The following UVRAG variants were observed in gnomAD, a reference collection of about 807,000 sequenced individuals.
UVRAG encodes the protein UV radiation resistance-associated gene protein.
A neutral mutation model predicts 78.0 loss-of-function variants in UVRAG; 19 were observed. That is an observed-to-expected ratio of 0.24 (90% CI 0.17 to 0.36). The LOEUF (loss-of-function observed/expected upper bound fraction) is 0.36, where lower values mean the gene tolerates loss of function less well. Ranked by LOEUF, UVRAG falls within the 10% of genes least tolerant of loss-of-function variation. UVRAG has a pLI of 1.00. For missense variants in UVRAG, 740 were observed against 853.8 expected, an observed-to-expected ratio of 0.87 and a Z score of 1.66; for synonymous variants, 323 against 324.6, an observed-to-expected ratio of 1.00 and a Z score of 0.05.
chr11:76,088,506 G>T (rs983285309), intron 13 of UVRAG, among the ~76,000 whole-genome samples: 2 of 16,484 alleles, frequency 1.2e-4, no homozygotes, highest in Admixed American at 6.4e-4. Flanking sequence ...CCCCTCCCCC[G>T]CCTTGCAACA....
rs1297790152 is a variant in UVRAG, at chr11:76,075,771, C to T, written c.1305+9983C>T. Among the ~76,000 whole-genome samples, 49 of 152,192 alleles carry T rather than the reference C, an allele frequency of 3.2e-4. 1 individual carries two copies. The highest frequency in any genetic ancestry group is 3.2e-3 in the Admixed American group (49 of 15,270). ...TTCCCTCAGGTTCCCCATCCCTGGGCAGCTACCAGCCTACTTTCTGTTTCT... is the reference window on the plus strand; with the variant it reads ...TTCCCTCAGGTTCCCCATCCCTGGGTAGCTACCAGCCTACTTTCTGTTTCT... On this transcript the variant is annotated intron_variant, in intron 13 of 14. Coordinates refer to ENST00000356136, the MANE Select transcript of UVRAG (RefSeq NM_003369.4).
At chr11:75,822,398 C>T (rs1329209222) in intron 1 of UVRAG, among the ~76,000 whole-genome samples, 1 of 152,186 alleles carries the variant, frequency 6.6e-6, no homozygotes, top group African/African-American at 2.4e-5. Context: ...ACACACCAAG[C>T]GATCCTCCAG....
chr11:75,977,545 C>G (rs148978757), intron 7 of UVRAG, among the ~76,000 whole-genome samples: 142 of 152,252 alleles, frequency 9.3e-4, no homozygotes, highest in African/African-American at 3.3e-3. Flanking sequence ...CTTTATTAAT[C>G]TGGGTGCTCC....
At chr11:75,890,094 AG>A in intron 5 of UVRAG, among the ~76,000 whole-genome samples, 1 of 152,276 alleles carries the variant, frequency 6.6e-6, no homozygotes, top group African/African-American at 2.4e-5. Context: ...CAGAGTGATG[AG>A]GGGGGAGTGA....
intron 6 of UVRAG, among the ~76,000 whole-genome samples, chr11:75,948,346 G>A (rs1948620918): frequency 1.3e-5 from 2 of 152,142 alleles, no homozygotes; most frequent in Admixed American, 6.6e-5. Flanking sequence ...AAAAAGGAAG[G>A]CCTTTTATTA....
chr11:75,843,332 AAC>A (rs1395218679), intron 1 of UVRAG, among the ~76,000 whole-genome samples: 1 of 152,232 alleles, frequency 6.6e-6, no homozygotes, highest in Non-Finnish European at 1.5e-5. Flanking sequence ...AATAAAGTGA[AAC>A]ATTTCTTTTA....
At chr11:75,844,604 G>T (rs989479551) in intron 1 of UVRAG, among the ~76,000 whole-genome samples, 1 of 151,922 alleles carries the variant, frequency 6.6e-6, no homozygotes, top group African/African-American at 2.4e-5. Context: ...CTGGTTTACA[G>T]TCATACTAAT....
intron 13 of UVRAG, among the ~76,000 whole-genome samples, chr11:76,078,139 TG>T (rs1951434638): frequency 6.6e-6 from 1 of 152,236 alleles, no homozygotes; most frequent in Non-Finnish European, 1.5e-5. Flanking sequence ...AAAATGAATT[TG>T]GTCTGATTTT....
chr11:75,976,737 G>A (rs1364236627), intron 7 of UVRAG, among the ~76,000 whole-genome samples: 5 of 151,842 alleles, frequency 3.3e-5, no homozygotes, highest in African/African-American at 4.8e-5. Flanking sequence ...TTGTTATTGC[G>A]TCTATTTGAT....
intron 13 of UVRAG, among the ~76,000 whole-genome samples, chr11:76,091,838 T>C (rs956632436): frequency 1.4e-5 from 2 of 147,026 alleles, no homozygotes; most frequent in Non-Finnish European, 1.5e-5. Flanking sequence ...TGTATATTTG[T>C]TTTTTTTTTA....
chr11:75,816,710 C>G (rs1349304224), intron 1 of UVRAG, among the ~76,000 whole-genome samples: 2 of 152,210 alleles, frequency 1.3e-5, no homozygotes, highest in African/African-American at 4.8e-5. Flanking sequence ...CCTCCACCAC[C>G]TTTACACAGG....
chr11:76,020,012 A>G (rs774913992), intron 12 of UVRAG, among the ~76,000 whole-genome samples: 2 of 152,204 alleles, frequency 1.3e-5, no homozygotes, highest in Admixed American at 6.5e-5. Context: ...CTGGTTCTCT[A>G]TTCTATTGCG....
intron 3 of UVRAG, among the ~76,000 whole-genome samples, chr11:75,876,560 A>C (rs571776617): frequency 1.5e-4 from 23 of 152,348 alleles, no homozygotes; most frequent in East Asian, 9.6e-4. Context: ...TCTTAGACTG[A>C]AATTCTTGCA....
chr11:75,899,558 C>A (rs145226812), intron 5 of UVRAG, among the ~76,000 whole-genome samples: 153 of 152,226 alleles, frequency 1.0e-3, no homozygotes, highest in African/African-American at 3.5e-3. Context: ...AATAGCAGAT[C>A]CATGATTCGA....
At chr11:76,083,241 A>G (rs1341140302) in intron 13 of UVRAG, among the ~76,000 whole-genome samples, 3 of 152,206 alleles carry the variant, frequency 2.0e-5, no homozygotes, top group African/African-American at 7.2e-5. Context: ...GGAAACAGGT[A>G]TAGAATATTT....
At chr11:75,931,576 G>T (rs1948241843) in intron 6 of UVRAG, among the ~76,000 whole-genome samples, 1 of 152,104 alleles carries the variant, frequency 6.6e-6, no homozygotes, top group Non-Finnish European at 1.5e-5. Flanking sequence ...AAAAGTAAAA[G>T]TTCTCGTTCA....
intron 2 of UVRAG, among the ~76,000 whole-genome samples, chr11:75,856,308 G>A (rs1241896719): frequency 6.6e-6 from 1 of 152,048 alleles, no homozygotes; most frequent in Non-Finnish European, 1.5e-5. Flanking sequence ...CGGCCCTTAA[G>A]TTTGTTTTTC....
At chr11:76,099,932 CT>C (rs139499801) in intron 13 of UVRAG, among the ~76,000 whole-genome samples, 2,008 of 152,080 alleles carry the variant, frequency 0.013, 48 homozygotes, top group African/African-American at 0.045. Flanking sequence ...TAGCTCTAGA[CT>C]TTTTTTCTTA....
chr11:75,890,982 A>G (rs1348814687), intron 5 of UVRAG, among the ~76,000 whole-genome samples: 1 of 151,806 alleles, frequency 6.6e-6, no homozygotes, highest in Non-Finnish European at 1.5e-5. Flanking sequence ...TTAAGAGGAG[A>G]GAGTGATCAA....
Sources: gnomAD v4.1 joint callset for allele counts (sites outside exome capture counted in the v4.1 genomes callset) on GRCh38, gnomAD v4.1.1 for gene constraint, MANE v1.5 for transcripts, NCBI Gene and HGNC (gene_info 2026-07-23, HGNC 2026-07-21) for gene names.